Variants in OPCML observed in about 807,000 individuals in gnomAD.
OPCML encodes opioid binding protein/cell adhesion molecule like.
A neutral mutation model predicts 37.8 loss-of-function variants in OPCML; 13 were observed. The ratio of observed to expected loss-of-function variants is 0.34; its 90% CI spans 0.22 to 0.55. The LOEUF is 0.55. OPCML is among the 20% of genes least tolerant of loss of function. The probability of loss-of-function intolerance (pLI) is 0.91; values close to 1 mark genes in which losing one functional copy is unlikely to be tolerated. For missense variants in OPCML, 341 were observed against 435.6 expected (o/e 0.78, Z 1.93); for synonymous variants, 176 against 168.8 (o/e 1.04, Z -0.33).
intron 2 of OPCML, among the ~76,000 whole-genome samples, chr11:132,721,950 C>CTTTT (rs34325848): frequency 1.6e-3 from 133 of 82,780 alleles, no homozygotes; most frequent in African/African-American, 2.6e-3. Flanking sequence ...CTTTCCTTCC[C>CTTTT]TTTTTTTTTT....
At chr11:133,062,217 C>T (rs962811697) in intron 1 of OPCML, among the ~76,000 whole-genome samples, 11 of 152,144 alleles carry the variant, frequency 7.2e-5, no homozygotes, top group Admixed American at 2.6e-4. Context: ...CAGACTCTAC[C>T]GCAAATGTGA....
chr11:133,389,572 G>T (rs1396878814), intron 1 of OPCML, among the ~76,000 whole-genome samples: 1 of 152,084 alleles, frequency 6.6e-6, no homozygotes, highest in Non-Finnish European at 1.5e-5. Flanking sequence ...TTCACAGGTG[G>T]TAATTATTAT....
chr11:132,980,867 C>T (rs73586472), intron 1 of OPCML, among the ~76,000 whole-genome samples: 1,945 of 152,344 alleles, frequency 0.013, 45 homozygotes, highest in African/African-American at 0.044. Flanking sequence ...TTTCACAGCA[C>T]ATACAGTCCC....
chr11:133,150,292 G>A (rs1369541010), intron 1 of OPCML, among the ~76,000 whole-genome samples: 2 of 152,138 alleles, frequency 1.3e-5, no homozygotes, highest in Admixed American at 1.3e-4. Flanking sequence ...TTGCATGGAT[G>A]GTCTCACCCT....
At chr11:132,729,837 G>A (rs935851625) in intron 2 of OPCML, among the ~76,000 whole-genome samples, 1 of 152,112 alleles carries the variant, frequency 6.6e-6, no homozygotes, top group African/African-American at 2.4e-5. Context: ...AGGTACACAT[G>A]AAGGGGATGA....
chr11:133,072,550 G>A (rs1353318405), intron 1 of OPCML, among the ~76,000 whole-genome samples: 2 of 152,190 alleles, frequency 1.3e-5, no homozygotes, highest in Non-Finnish European at 2.9e-5. Context: ...TGCCTTACTC[G>A]CCTCTAGGGA....
At chr11:132,682,582 T>C (rs1464008491) in intron 2 of OPCML, among the ~76,000 whole-genome samples, 1 of 152,088 alleles carries the variant, frequency 6.6e-6, no homozygotes, top group Non-Finnish European at 1.5e-5. Context: ...AAGGTCTGCT[T>C]ATGGCAAACT....
chr11:132,990,429 C>G (rs1406399832), intron 1 of OPCML, among the ~76,000 whole-genome samples: 2 of 152,188 alleles, frequency 1.3e-5, no homozygotes, highest in Admixed American at 1.3e-4. Context: ...ATTCATAACA[C>G]TAACACTTTA....
chr11:132,974,675 T>C (rs559594729), intron 1 of OPCML, among the ~76,000 whole-genome samples: 1 of 152,320 alleles, frequency 6.6e-6, no homozygotes, highest in South Asian at 2.1e-4. Flanking sequence ...TTATAAATCA[T>C]TCTACCATAA....
intron 2 of OPCML, among the ~76,000 whole-genome samples, chr11:132,791,274 G>C (rs1432783995): frequency 6.6e-6 from 1 of 152,088 alleles, no homozygotes; most frequent in African/African-American, 2.4e-5. Flanking sequence ...TGTTTTCCCT[G>C]CACTATTTAC....
rs530870257 is a variant in OPCML at position 132,417,206 on chromosome 11, G to A, written c.*2987C>T. On this transcript the variant is annotated 3_prime_UTR_variant, in exon 8 of 8. Coordinates refer to ENST00000524381, the MANE Select transcript of OPCML (RefSeq NM_001012393.5). ...TCTCCGTGTGTGAAGTTGGAAAAGT[G>A]TGGATATTGTCTTGTGTAAGCATTT... 6.6e-6 allele frequency: 1 copy of A among 152,354 alleles called. No homozygotes were observed. The highest frequency in any genetic ancestry group is 1.5e-5 in the Non-Finnish European group (1 of 68,054). 9.4% of individuals were successfully genotyped at this position (152,354 alleles called of 1,614,324 possible). A position where few individuals can be genotyped will look rare whatever the true frequency, so the allele number is the denominator to read the frequency against.
intron 4 of OPCML, among the ~76,000 whole-genome samples, chr11:132,453,248 T>C (rs989016601): frequency 2.0e-5 from 3 of 152,212 alleles, no homozygotes; most frequent in African/African-American, 7.2e-5. Flanking sequence ...TTGGTCTTTA[T>C]GGCTGAGGTT....
At chr11:133,108,486 C>T (rs1357866894) in intron 1 of OPCML, among the ~76,000 whole-genome samples, 2 of 152,134 alleles carry the variant, frequency 1.3e-5, no homozygotes, top group Non-Finnish European at 2.9e-5. Context: ...CTGAAGTCTC[C>T]TGACCTGAGC....
intron 2 of OPCML, among the ~76,000 whole-genome samples, chr11:132,748,022 T>C (rs546913089): frequency 7.8e-4 from 118 of 152,206 alleles, no homozygotes; most frequent in Non-Finnish European, 1.4e-3. Context: ...TTCTTTTATT[T>C]TAGCCATTCT....
At chr11:132,978,854 A>G (rs1946522671) in intron 1 of OPCML, among the ~76,000 whole-genome samples, 1 of 152,128 alleles carries the variant, frequency 6.6e-6, no homozygotes, top group African/African-American at 2.4e-5. Context: ...TCTTTCTCCG[A>G]ATTCCAGAAT....
intron 1 of OPCML, among the ~76,000 whole-genome samples, chr11:133,308,577 G>A (rs1337471144): frequency 6.6e-6 from 1 of 152,090 alleles, no homozygotes; most frequent in East Asian, 1.9e-4. Flanking sequence ...CTGTGTTTCT[G>A]TATGAGTTAG....
intron 2 of OPCML, among the ~76,000 whole-genome samples, chr11:132,933,649 A>G (rs865935559): frequency 7.9e-5 from 12 of 152,310 alleles, no homozygotes; most frequent in Middle Eastern, 3.4e-3. Flanking sequence ...AAGGAGAAAC[A>G]TTCATCTTTT....
Position 133,532,366 on chromosome 11 carries a change from TTC to T in OPCML, c.-44_-43del. The T allele has an allele frequency of 6.2e-7, 1 of 1,603,866 alleles. No homozygotes were observed. Among genetic ancestry groups the T allele is most frequent in the East Asian group, 2.3e-5 (1 of 44,278 alleles). Reference sequence around the variant, plus strand: ...TCTCAGCTGCCGGGCTTGCTACTGCTTCTGCTGCTGCTACCGCTGCTGCCTTC... The same window carrying T: ...TCTCAGCTGCCGGGCTTGCTACTGCTTGCTGCTGCTACCGCTGCTGCCTTC... On this transcript the variant is annotated 5_prime_UTR_variant, in exon 1 of 8. Coordinates refer to ENST00000524381, the MANE Select transcript of OPCML (RefSeq NM_001012393.5).
chr11:132,432,228 G>C (rs1471061511), intron 7 of OPCML, among the ~76,000 whole-genome samples: 1 of 152,152 alleles, frequency 6.6e-6, no homozygotes, highest in African/African-American at 2.4e-5. Context: ...GAGTCACTAA[G>C]GGTGATAAAA....
Sources: allele counts gnomAD v4.1 joint callset (sites outside exome capture counted in the v4.1 genomes callset), GRCh38; gene constraint gnomAD v4.1.1; transcripts MANE v1.5; gene names NCBI Gene and HGNC (gene_info 2026-07-23, HGNC 2026-07-21).